ZNF503: variants seen among roughly 807,000 people sequenced by gnomAD.
ZNF503 encodes NocA-like zinc finger 2.
A neutral mutation model predicts 34.4 loss-of-function variants in ZNF503; 15 were observed. The ratio of observed to expected loss-of-function variants is 0.44; its 90% CI spans 0.29 to 0.67. ZNF503 has a LOEUF of 0.67. Ranked by LOEUF, ZNF503 falls within the 30% of genes least tolerant of loss-of-function variation. ZNF503 has a pLI of 0.13. For missense variants in ZNF503, 1,007 were observed against 926.8 expected (o/e 1.09, Z -1.12); for synonymous variants, 580 against 456.8 (o/e 1.27, Z -3.44).
chr10:75,340,325 TTGTC>T, the ZNF503 span, among the ~76,000 whole-genome samples: 2 of 152,324 alleles, frequency 1.3e-5, no homozygotes, highest in South Asian at 2.1e-4. Context: ...GAGTGTAAAT[TTGTC>T]TGGTCTTTCT....
the ZNF503 span, among the ~76,000 whole-genome samples, chr10:75,301,686 C>T: frequency 6.6e-6 from 1 of 152,064 alleles, no homozygotes; most frequent in African/African-American, 2.4e-5. Flanking sequence ...CTGATGATTA[C>T]AATTGCATTT....
the ZNF503 span, among the ~76,000 whole-genome samples, chr10:75,328,903 C>T: frequency 2.6e-5 from 4 of 151,914 alleles, no homozygotes; most frequent in African/African-American, 9.7e-5. Context: ...CATGTCACCA[C>T]GCCCAGCTAA....
rs1843748890 is a variant in ZNF503, at chr10:75,399,360, C to A, written c.1330G>T (p.Ala444Ser). 6.2e-7 allele frequency: 1 copy of A among 1,605,844 alleles called. No homozygotes were observed. Among genetic ancestry groups the A allele is most frequent in the Non-Finnish European group, 8.5e-7 (1 of 1,178,314 alleles). The change falls in exon 2 of 2, where the codon GCG (alanine) becomes TCG (serine). Residue 444 changes from alanine (A) to serine (S), a missense_variant. Transcript: ENST00000372524. ...GCGCAAGAAGCGCTGGCGGCCGCCG[C>A]CCCTGCCAGGTGGCTAGCGCAGTGG... Reference protein sequence around the residue: ...SYHCASHLAGAAAASASCAHD... With the variant: ...SYHCASHLAGSAAASASCAHD...
the ZNF503 span, among the ~76,000 whole-genome samples, chr10:75,384,498 A>T: frequency 6.6e-6 from 1 of 152,050 alleles, no homozygotes; most frequent in Non-Finnish European, 1.5e-5. Flanking sequence ...AGATAGCCCC[A>T]TGCCACACTC....
Position 75,399,339 on chromosome 10 carries a change from A to C in ZNF503, c.1351T>G (p.Cys451Gly), listed in dbSNP as rs1843748489. 2 of 1,605,666 alleles carry C rather than the reference A, an allele frequency of 1.2e-6. No homozygotes were observed. The highest frequency in any genetic ancestry group is 1.3e-5 in the African/African-American group (1 of 74,922). Residue 451 changes from cysteine (C) to glycine (G), a missense_variant, in exon 2 of 2, where the codon TGC (cysteine) becomes GGC (glycine). Cys to Gly is a radical substitution (Grantham distance 159). Transcript: ENST00000372524. ...GCCGCAGCAGCCGGATCATGTGCGC[A>C]AGAAGCGCTGGCGGCCGCCGCCCCT... ...LAGAAAASAS[C>G]AHDPAAAAAA... is the part of the protein sequence containing the mutation.
the ZNF503 span, among the ~76,000 whole-genome samples, chr10:75,317,500 T>C: frequency 6.6e-6 from 1 of 150,864 alleles, no homozygotes; most frequent in Non-Finnish European, 1.5e-5. Context: ...TTAGCCAGGA[T>C]GGTCTTGATC....
the ZNF503 span, among the ~76,000 whole-genome samples, chr10:75,382,021 G>A: frequency 1.1e-4 from 17 of 151,678 alleles, no homozygotes; most frequent in African/African-American, 3.9e-4. Context: ...TGTTGGCCAG[G>A]CTAGTCTTGA....
At chr10:75,384,256 C>T in the ZNF503 span, among the ~76,000 whole-genome samples, 3 of 152,110 alleles carry the variant, frequency 2.0e-5, no homozygotes, top group Non-Finnish European at 2.9e-5. Context: ...CACACACACA[C>T]ATGCGCATAC....
chr10:75,311,114 G>C, the ZNF503 span, among the ~76,000 whole-genome samples: 3 of 152,066 alleles, frequency 2.0e-5, no homozygotes, highest in African/African-American at 7.2e-5. Flanking sequence ...CCATCTGCAA[G>C]CCAAGGAGCA....
chr10:75,309,135 C>A, the ZNF503 span, among the ~76,000 whole-genome samples: 1 of 151,962 alleles, frequency 6.6e-6, no homozygotes, highest in Admixed American at 6.5e-5. Context: ...AGCCACCATG[C>A]CTGGCTGAGT....
rs1022218371 is a variant in ZNF503, at chr10:75,398,139, C to T, written c.*610G>A. 1.4e-5 allele frequency: 2 copies of T among 147,512 alleles called. No individual in the cohort carries two copies. The highest frequency in any genetic ancestry group is 3.9e-4 in the East Asian group (2 of 5,158). The allele number at this position is 147,512 out of a possible 1,614,324, so 9.1% of individuals were successfully genotyped here. On this transcript the variant is annotated 3_prime_UTR_variant, in exon 2 of 2. Transcript: ENST00000372524. Reference sequence around the variant, plus strand: ...TGAAATCAGAGCTGACAAATTGTGACTTTTTTTTTCATTTTTTTTGTAACA... The same window carrying T: ...TGAAATCAGAGCTGACAAATTGTGATTTTTTTTTTCATTTTTTTTGTAACA...
At chr10:75,290,590 C>G in the ZNF503 span, among the ~76,000 whole-genome samples, 3 of 152,232 alleles carry the variant, frequency 2.0e-5, no homozygotes, top group Non-Finnish European at 4.4e-5. Flanking sequence ...GCCTCCTTCT[C>G]TTCATGGAGA....
chr10:75,324,328 G>GTT, the ZNF503 span, among the ~76,000 whole-genome samples: 310 of 148,078 alleles, frequency 2.1e-3, 3 homozygotes, highest in South Asian at 4.2e-3. Flanking sequence ...TTGTTTTTCT[G>GTT]TTTTTTTTTT....
At chr10:75,326,263 T>C in the ZNF503 span, among the ~76,000 whole-genome samples, 1 of 152,242 alleles carries the variant, frequency 6.6e-6, no homozygotes, top group African/African-American at 2.4e-5. Flanking sequence ...ATTTTCTATA[T>C]AGGCAACATA....
the ZNF503 span, chr10:75,296,487 G>A: frequency 8.0e-6 from 1 of 124,944 alleles, no homozygotes; most frequent in South Asian, 3.4e-4. Flanking sequence ...CAAGTAGAGG[G>A]TGGCTCAGAC....
the ZNF503 span, among the ~76,000 whole-genome samples, chr10:75,330,924 A>G: frequency 6.6e-6 from 1 of 151,924 alleles, no homozygotes; most frequent in Non-Finnish European, 1.5e-5. Context: ...GTTCCTTGAG[A>G]TGCATTGTTA....
chr10:75,299,966 T>C, the ZNF503 span, among the ~76,000 whole-genome samples: 1 of 152,196 alleles, frequency 6.6e-6, no homozygotes, highest in Admixed American at 6.5e-5. Context: ...ATTGATAACA[T>C]CTTATCAAGA....
the ZNF503 span, among the ~76,000 whole-genome samples, chr10:75,331,445 ATTTAT>A: frequency 2.0e-5 from 3 of 152,026 alleles, no homozygotes; most frequent in African/African-American, 7.2e-5. Flanking sequence ...TCTCCCTTTA[ATTTAT>A]TTTATTTTAT....
the ZNF503 span, among the ~76,000 whole-genome samples, chr10:75,280,523 G>C: frequency 6.6e-6 from 1 of 151,658 alleles, no homozygotes; most frequent in African/African-American, 2.4e-5. Flanking sequence ...AGATGATTGT[G>C]GTGGGCTTGG....
Sources: allele counts gnomAD v4.1 joint callset (sites outside exome capture counted in the v4.1 genomes callset), GRCh38; gene constraint gnomAD v4.1.1; transcripts MANE v1.5; gene names NCBI Gene and HGNC (gene_info 2026-07-23, HGNC 2026-07-21).